Variants in CFAP299 observed in about 807,000 individuals in gnomAD.
The protein encoded by CFAP299 is cilia and flagella associated protein 299, also known as cilia- and flagella-associated protein 299.
A neutral mutation model predicts 27.0 loss-of-function variants in CFAP299; 21 were observed. The observed-to-expected ratio is 0.78, with a 90% CI of 0.55 to 1.12. The LOEUF is 1.12. Ranked by LOEUF, CFAP299 falls within the 50% of genes most tolerant of loss-of-function variation. The probability of loss-of-function intolerance (pLI) is 0.00; values close to 1 mark genes in which losing one functional copy is unlikely to be tolerated. For synonymous variants in CFAP299, 104 were observed against 98.1 expected, an observed-to-expected ratio of 1.06 and a Z score of -0.36; for missense variants, 310 against 276.6, an observed-to-expected ratio of 1.12 and a Z score of -0.86.
intron 4 of CFAP299, among the ~76,000 whole-genome samples, chr4:80,937,692 C>T (rs753866041): frequency 3.3e-5 from 5 of 152,040 alleles, no homozygotes; most frequent in African/African-American, 9.7e-5. Flanking sequence ...TTTAGTCACT[C>T]TCTATTTTGA....
intron 2 of CFAP299, among the ~76,000 whole-genome samples, chr4:80,525,418 A>C (rs1343135323): frequency 3.9e-5 from 6 of 152,232 alleles, no homozygotes; most frequent in Admixed American, 1.3e-4. Context: ...AACTTATCCC[A>C]ACCTACCATT....
At chr4:80,910,984 C>T (rs920886252) in intron 4 of CFAP299, among the ~76,000 whole-genome samples, 7 of 151,984 alleles carry the variant, frequency 4.6e-5, no homozygotes, top group Admixed American at 2.0e-4. Context: ...CATTCAATAA[C>T]GTTATCTTAC....
chr4:80,532,644 T>C (rs1452023665), intron 2 of CFAP299, among the ~76,000 whole-genome samples: 1 of 152,250 alleles, frequency 6.6e-6, no homozygotes, highest in Non-Finnish European at 1.5e-5. Context: ...AGGTAAATTA[T>C]ATAAATCCCA....
chr4:80,836,545 C>T (rs891034948), intron 3 of CFAP299, among the ~76,000 whole-genome samples: 1 of 152,176 alleles, frequency 6.6e-6, no homozygotes, highest in African/African-American at 2.4e-5. Flanking sequence ...CTTCAGTAAT[C>T]ACATTGCCCT....
At position 80,716,317 on chromosome 4, in the gene CFAP299, G is replaced by A. The variant is rs190306316; in HGVS notation, c.333+133134G>A. Among the ~76,000 whole-genome samples, 361 of 151,640 alleles carry A rather than the reference G, an allele frequency of 2.4e-3. 1 individual carries two copies. Among genetic ancestry groups the A allele is most frequent in the African/African-American group, 8.3e-3 (343 of 41,408 alleles). On this transcript the variant is annotated intron_variant, in intron 3 of 5. Coordinates refer to ENST00000358105, the MANE Select transcript of CFAP299 (RefSeq NM_152770.3). Reference sequence around the variant, plus strand: ...TTGCAGATGAGAAAAATGAGATGTAGAAAATGTACATAATCTATTGCCTGA... The same window carrying A: ...TTGCAGATGAGAAAAATGAGATGTAAAAAATGTACATAATCTATTGCCTGA...
chr4:80,790,956 C>T (rs927997956), intron 3 of CFAP299, among the ~76,000 whole-genome samples: 1 of 152,054 alleles, frequency 6.6e-6, no homozygotes, highest in East Asian at 1.9e-4. Context: ...TTTGAATATA[C>T]GTTAAACACT....
At chr4:80,875,813 T>C (rs1733344559) in intron 4 of CFAP299, among the ~76,000 whole-genome samples, 1 of 152,202 alleles carries the variant, frequency 6.6e-6, no homozygotes, top group African/African-American at 2.4e-5. Flanking sequence ...GAGTTACTCA[T>C]GCATAGTACC....
chr4:80,917,305 A>C (rs1735814847), intron 4 of CFAP299, among the ~76,000 whole-genome samples: 2 of 152,168 alleles, frequency 1.3e-5, no homozygotes, highest in African/African-American at 4.8e-5. Flanking sequence ...GAAAGAAAAG[A>C]TACTGTCAAT....
rs565377492 is a variant in CFAP299, at chr4:80,727,336, A to C, written c.334-142657A>C. ...TATTACTATTATAATATTTTTAAAA[A>C]GCTAGAATACCTTCATAAAGTTATT... On this transcript the variant is annotated intron_variant, in intron 3 of 5. Transcript: ENST00000358105. Among the ~76,000 whole-genome samples, 221 of 152,188 alleles carry C rather than the reference A, an allele frequency of 1.5e-3. 1 individual carries two copies. The highest frequency in any genetic ancestry group is 2.3e-3 in the Non-Finnish European group (158 of 67,966).
chr4:80,741,775 C>T (rs923470828), intron 3 of CFAP299, among the ~76,000 whole-genome samples: 1 of 152,086 alleles, frequency 6.6e-6, no homozygotes. Context: ...AAATTGTAGT[C>T]CTTGTGTCCT....
At chr4:80,499,766 TA>T (rs1390329567) in intron 2 of CFAP299, among the ~76,000 whole-genome samples, 15 of 152,120 alleles carry the variant, frequency 9.9e-5, no homozygotes, top group Admixed American at 2.6e-4. Flanking sequence ...TTCCTCTTGA[TA>T]TTTTTTTTCC....
At chr4:80,618,939 T>C (rs1738439672) in intron 3 of CFAP299, among the ~76,000 whole-genome samples, 1 of 152,108 alleles carries the variant, frequency 6.6e-6, no homozygotes. Context: ...AAAACCGTGC[T>C]AAAATTATTC....
intron 3 of CFAP299, among the ~76,000 whole-genome samples, chr4:80,767,735 A>C (rs1004637658): frequency 1.4e-4 from 21 of 152,204 alleles, no homozygotes; most frequent in Non-Finnish European, 2.8e-4. Flanking sequence ...ATTGTGGCTG[A>C]TTTAGCAGTG....
At chr4:80,640,814 T>C (rs1293084645) in intron 3 of CFAP299, among the ~76,000 whole-genome samples, 15 of 152,216 alleles carry the variant, frequency 9.9e-5, no homozygotes, top group Admixed American at 9.8e-4. Context: ...AGCGTTCCCC[T>C]GGGTATAGAA....
chr4:80,380,122 T>C (rs1224561216), intron 2 of CFAP299, among the ~76,000 whole-genome samples: 1 of 152,178 alleles, frequency 6.6e-6, no homozygotes, highest in Non-Finnish European at 1.5e-5. Flanking sequence ...TATTTCTTCT[T>C]GAAATAAAAT....
chr4:80,950,996 T>C (rs1737747340), intron 5 of CFAP299, among the ~76,000 whole-genome samples: 1 of 152,198 alleles, frequency 6.6e-6, no homozygotes, highest in Admixed American at 6.5e-5. Context: ...TCAAAATTTC[T>C]AAGTATGAAA....
intron 2 of CFAP299, among the ~76,000 whole-genome samples, chr4:80,466,801 T>C (rs1371198422): frequency 3.9e-5 from 6 of 152,184 alleles, no homozygotes; most frequent in Non-Finnish European, 8.8e-5. Context: ...TCTCACCCCA[T>C]GCTTTTGCAA....
At chr4:80,672,944 C>CA (rs56871831) in intron 3 of CFAP299, among the ~76,000 whole-genome samples, 85,511 of 144,338 alleles carry the variant, frequency 0.59, 28,407 homozygotes, top group Non-Finnish European at 0.75. Context: ...TTGATCTTTT[C>CA]AAAAAAAAAA....
chr4:80,535,334 G>T (rs1397876847), intron 2 of CFAP299, among the ~76,000 whole-genome samples: 4 of 129,058 alleles, frequency 3.1e-5, no homozygotes, highest in Non-Finnish European at 4.7e-5. Context: ...CACTAGAACT[G>T]AAGAGCTTCA....
Sources: allele counts gnomAD v4.1 joint callset (sites outside exome capture counted in the v4.1 genomes callset), GRCh38; gene constraint gnomAD v4.1.1; transcripts MANE v1.5; gene names NCBI Gene and HGNC (gene_info 2026-07-23, HGNC 2026-07-21).